The following RABGGTB variants were observed in gnomAD, a reference collection of about 807,000 sequenced individuals.
RABGGTB encodes the protein geranylgeranyl transferase type-2 subunit beta.
Under a neutral mutation model 44.5 loss-of-function variants are expected in RABGGTB, and 20 were observed. The ratio of observed to expected loss-of-function variants is 0.45; its 90% confidence interval spans 0.32 to 0.65. The LOEUF (loss-of-function observed/expected upper bound fraction) is 0.65, where lower values mean the gene tolerates loss of function less well. Among genes scored for constraint, RABGGTB ranks in the 30% least tolerant of loss-of-function variants. The pLI is 0.05. For missense variants in RABGGTB, 302 were observed against 398.7 expected, an observed-to-expected ratio of 0.76 and a Z score of 2.06; for synonymous variants, 128 against 136.7, an observed-to-expected ratio of 0.94 and a Z score of 0.44.
chr1:75,791,262 G>T, intron 4 of RABGGTB, 23 bp from the exon 5 acceptor site: 1 of 1,592,818 alleles, frequency 6.3e-7, no homozygotes, highest in South Asian at 1.1e-5. Context: ...CACCTGCCTT[G>T]ATTTGATCTA....
intron 3 of RABGGTB, 164 bp from the exon 4 acceptor site, chr1:75,789,788 G>C (rs1328662227): frequency 1.7e-6 from 1 of 600,708 alleles, no homozygotes; most frequent in African/African-American, 1.9e-5. Flanking sequence ...GAGTTTTCTT[G>C]ATACTATCTA....
At chr1:75,791,712 T>A in intron 6 of RABGGTB, 141 bp downstream of exon 6, 1 of 703,102 alleles carries the variant, frequency 1.4e-6, no homozygotes, top group Non-Finnish European at 2.4e-6. Context: ...AAGAATTGCT[T>A]AATTGCTATC....
intron 1 of RABGGTB, chr1:75,787,234 G>T: frequency 1.6e-6 from 1 of 631,496 alleles, no homozygotes; most frequent in Non-Finnish European, 2.9e-6. Flanking sequence ...TGTTGTTGTT[G>T]TTTTGGTTTT....
chr1:75,787,584 G>C lies in RABGGTB; in HGVS notation c.91G>C (p.Gly31Arg). 7 of 1,612,194 alleles carry C rather than the reference G, an allele frequency of 4.3e-6. No homozygotes were observed. Among genetic ancestry groups the C allele is most frequent in the Non-Finnish European group, 5.1e-6 (6 of 1,178,336 alleles). The change falls in exon 2 of 9, where the codon GGC (glycine) becomes CGC (arginine). Residue 31 changes from glycine (G) to arginine (R), a missense_variant. By Grantham distance (125) the Gly-to-Arg change is moderately radical (BLOSUM62 -2). Around this residue, in one of 2 missense-constraint regions of RABGGTB, gnomAD observed 89 missense variants for 75.0 expected, o/e 1.19. Transcript: ENST00000319942. ...EKHADYIASY[G>R]SKKDDYEYCM... Reference sequence around the variant, plus strand: ...ACATGCAGATTATATCGCATCCTATGGCTCAAAGAAAGATGATTATGTATG... The same window carrying C: ...ACATGCAGATTATATCGCATCCTATCGCTCAAAGAAAGATGATTATGTATG...
intron 1 of RABGGTB, 137 bp from the exon 2 acceptor site, chr1:75,787,360 T>TA (rs3831900): frequency 0.27 from 187,382 of 695,716 alleles, 27,430 homozygotes; most frequent in Middle Eastern, 0.31. Context: ...CCTAGTTAGT[T>TA]ACAATTTTTA....
rs377267485 is a variant in RABGGTB at position 75,794,993 on chromosome 1, T to C, written c.*343T>C. 453 of 229,374 alleles carry C rather than the reference T, an allele frequency of 2.0e-3. 5 individuals are homozygous for C. Among genetic ancestry groups the C allele is most frequent in the African/African-American group, 0.01 (435 of 42,812 alleles). 14.2% of individuals were successfully genotyped at this position (229,374 alleles called of 1,614,324 possible). A position where few individuals can be genotyped will look rare whatever the true frequency, so the allele number is the denominator to read the frequency against. On this transcript the variant is annotated 3_prime_UTR_variant, in exon 9 of 9. Transcript: ENST00000319942. ...CTATAGCAAGTTGATGTAAATTGGT[T>C]TGTCAACAAGAATGTTAACTGATGA...
chr1:75,789,065 A>G (rs1649578859), intron 2 of RABGGTB, 94 bp from the exon 3 acceptor site: 1 of 1,151,636 alleles, frequency 8.7e-7, no homozygotes, highest in African/African-American at 1.5e-5. Flanking sequence ...AGGTAAAAAT[A>G]GCAGCATGGC....
rs113892674 is a variant in RABGGTB at position 75,786,290 on chromosome 1, G to A, written c.3+16G>A. 2.6e-5 allele frequency: 42 copies of A among 1,614,184 alleles called. No individual in the cohort carries two copies. The highest frequency in any genetic ancestry group is 3.3e-4 in the Middle Eastern group (2 of 6,062). ...GTTAGACATGGTAAGTGTGAGTTTA[G>A]CGCTGCTGTCCGGATGGGTTGGTAG... On this transcript the variant is annotated intron_variant, in intron 1 of 8. Coordinates refer to ENST00000319942, the MANE Select transcript of RABGGTB (RefSeq NM_004582.4).
In RABGGTB at chr1:75,794,675, G is replaced by A. The variant is rs1157089607; in HGVS notation, c.*25G>A. The A allele has an allele frequency of 6.6e-7, 1 of 1,525,240 alleles. No homozygotes were observed. Among genetic ancestry groups the A allele is most frequent in the South Asian group, 1.3e-5 (1 of 74,426 alleles). 94.5% of individuals were successfully genotyped at this position (1,525,240 alleles called of 1,614,324 possible). A position where few individuals can be genotyped will look rare whatever the true frequency, so the allele number is the denominator to read the frequency against. The stretch of plus-strand genomic sequence containing the variant: ...GATTCATTGAATTGAAAGTTGCATA[G>A]TATAGTTTTGCCATTTTAACATTTC... On this transcript the variant is annotated 3_prime_UTR_variant, in exon 9 of 9. Transcript: ENST00000319942.
intron 2 of RABGGTB, chr1:75,788,882 T>C (rs546082569): frequency 2.3e-5 from 10 of 431,802 alleles, no homozygotes; most frequent in Admixed American, 4.0e-5. Flanking sequence ...TTTCTGTCTC[T>C]GGCTCATGGG....
At chr1:75,788,963 T>C in intron 2 of RABGGTB, 196 bp from the exon 3 acceptor site, 1 of 577,944 alleles carries the variant, frequency 1.7e-6, no homozygotes. Context: ...TAATTGTTTT[T>C]TTCTGATAAT....
chr1:75,787,935 G>T, intron 2 of RABGGTB: 1 of 558,974 alleles, frequency 1.8e-6, no homozygotes, highest in South Asian at 1.4e-5. Flanking sequence ...TTGCTGATGT[G>T]TAATAACACT....
Position 75,789,958 on chromosome 1 carries a change from A to G in RABGGTB, c.316A>G (p.Thr106Ala), listed in dbSNP as rs1649606104. The G allele has an allele frequency of 1.9e-6, 3 of 1,602,482 alleles. No individual in the cohort carries two copies. The highest frequency in any genetic ancestry group is 2.6e-6 in the Non-Finnish European group (3 of 1,170,710). Reference protein sequence around the residue: ...LYTLSAVQILTLYDSINVIDV... With the variant: ...LYTLSAVQILALYDSINVIDV... ...ATACTTGTCTTTATTGCAGATTCTT[A>G]CGCTGTATGACAGTATTAATGTTAT... The change falls in exon 4 of 9, where the codon ACG becomes GCG. Residue 106 changes from threonine to alanine, a missense_variant. By Grantham distance (58) the Thr-to-Ala change is moderately conservative (BLOSUM62 0). Transcript: ENST00000319942.
chr1:75,794,092 T>C lies in RABGGTB; in HGVS notation c.714T>C (p.Asp238=), dbSNP rs1649712471. 2 of 1,593,628 alleles carry C rather than the reference T, an allele frequency of 1.3e-6. No homozygotes were observed. Among genetic ancestry groups the C allele is most frequent in the South Asian group, 2.2e-5 (2 of 88,936 alleles). The change falls in exon 8 of 9, where the codon GAT becomes GAC. Residue 238 remains aspartate (D), a synonymous_variant. Coordinates refer to ENST00000319942, the MANE Select transcript of RABGGTB (RefSeq NM_004582.4). ...ACTTTTTTCCCTCCTAGTTACCAGA[T>C]GTATGCTACTCATGGTGGGTCCTGG... The part of the protein sequence containing the change: ...GLNGRPEKLP[D]VCYSWWVLAS...
At chr1:75,788,989 T>G (rs1225185030) in intron 2 of RABGGTB, 170 bp from the exon 3 acceptor site, 5 of 600,296 alleles carry the variant, frequency 8.3e-6, no homozygotes, top group Non-Finnish European at 1.2e-5. Context: ...TGTCTGAAGA[T>G]GGCTTCTAAC....
At chr1:75,786,412 G>A in intron 1 of RABGGTB, 138 bp downstream of exon 1, 1 of 1,267,902 alleles carries the variant, frequency 7.9e-7, no homozygotes, top group Non-Finnish European at 1.1e-6. Context: ...AAGGTTTTTT[G>A]AGTGTGAAAT....
In RABGGTB at chr1:75,787,616, T is replaced by A; in HGVS notation, c.111+12T>A. Reference sequence around the variant, plus strand: ...AGAAAGATGATTATGTATGTATAATTTTTTTATGTTGGAAAGTTTATTTTA... The same window carrying A: ...AGAAAGATGATTATGTATGTATAATATTTTTATGTTGGAAAGTTTATTTTA... On this transcript the variant is annotated intron_variant, in intron 2 of 8. Coordinates refer to ENST00000319942, the MANE Select transcript of RABGGTB (RefSeq NM_004582.4). 1 of 1,587,672 alleles carries A rather than the reference T, an allele frequency of 6.3e-7. No individual in the cohort carries two copies. Among genetic ancestry groups the A allele is most frequent in the Non-Finnish European group, 8.6e-7 (1 of 1,156,414 alleles).
chr1:75,787,653 C>A, intron 2 of RABGGTB, 49 bp downstream of exon 2: 1 of 1,383,224 alleles, frequency 7.2e-7, no homozygotes, highest in Non-Finnish European at 1.0e-6. Flanking sequence ...AGAAGTGTGA[C>A]AGTCATAAGC....
intron 7 of RABGGTB, 25 bp from the exon 8 acceptor site, chr1:75,794,059 T>C: frequency 6.4e-7 from 1 of 1,565,828 alleles, no homozygotes; most frequent in South Asian, 1.2e-5. Flanking sequence ...GAGAATGAAA[T>C]TGTGGCAACT....
Sources: allele counts gnomAD v4.1 joint callset, GRCh38; gene constraint gnomAD v4.1.1; regional missense constraint gnomAD v4.1.1; transcripts MANE v1.5; gene names NCBI Gene and HGNC (gene_info 2026-07-23, HGNC 2026-07-21).